Variants in ARHGAP32 observed in about 807,000 individuals in gnomAD.
ARHGAP32 encodes the protein Rho GTPase activating protein 32, also known as rho GTPase-activating protein 32.
Under a neutral mutation model 186.5 loss-of-function variants are expected in ARHGAP32, and 51 were observed. That is an observed-to-expected ratio of 0.27 (90% CI 0.22 to 0.35). The LOEUF is 0.35. Ranked by LOEUF, ARHGAP32 falls within the 10% of genes least tolerant of loss-of-function variation. The pLI is 1.00. For missense variants in ARHGAP32, 2,186 were observed against 2,623.5 expected (o/e 0.83, Z 3.64); for synonymous variants, 950 against 964.3 (o/e 0.99, Z 0.27).
chr11:128,982,463 C>T (rs1945730256), intron 15 of ARHGAP32, among the ~76,000 whole-genome samples: 1 of 141,990 alleles, frequency 7.0e-6, no homozygotes, highest in Non-Finnish European at 1.6e-5. Context: ...TAAGTTAAAC[C>T]AGGTAAGTGC....
In ARHGAP32 at chr11:129,123,037, G is replaced by GT. The variant is rs1475207355; in HGVS notation, c.444+408dup. 6.6e-6 allele frequency among the ~76,000 whole-genome samples: 1 copy of GT among 152,048 alleles called. No homozygotes were observed. The highest frequency in any genetic ancestry group is 2.4e-5 in the African/African-American group (1 of 41,410). Reference sequence around the variant, plus strand: ...TAATTTGTATGTGAATGAAAAGGCAGTAACAGTAAAAACATTTCTGAAAAA... The same window carrying GT: ...TAATTTGTATGTGAATGAAAAGGCAGTTAACAGTAAAAACATTTCTGAAAAA... On this transcript the variant is annotated intron_variant, in intron 5 of 22. Transcript: ENST00000682385. The surrounding 1 kb of genome is among the most constrained non-coding windows in gnomAD (Gnocchi z 4.6).
intron 2 of ARHGAP32, among the ~76,000 whole-genome samples, chr11:129,129,652 A>T (rs570632881): frequency 6.6e-6 from 1 of 152,340 alleles, no homozygotes; most frequent in Admixed American, 6.5e-5. Flanking sequence ...GTGTAGAAAG[A>T]AGTAGACATG....
In ARHGAP32 at chr11:128,966,663, T is replaced by A. The variant is rs1433406180; in HGVS notation, c.*2244A>T. The A allele has an allele frequency of 1.3e-5, 2 of 152,242 alleles. No homozygotes were observed. Among genetic ancestry groups the A allele is most frequent in the African/African-American group, 4.8e-5 (2 of 41,468 alleles). 9.4% of individuals were successfully genotyped at this position (152,242 alleles called of 1,614,324 possible). A position where few individuals can be genotyped will look rare whatever the true frequency, so the allele number is the denominator to read the frequency against. ...GTTTTAGTTTCAGGACTAAACAATGTGTGTGACAACAAATCCACAAATATT... is the reference window on the plus strand; with the variant it reads ...GTTTTAGTTTCAGGACTAAACAATGAGTGTGACAACAAATCCACAAATATT... On this transcript the variant is annotated 3_prime_UTR_variant, in exon 23 of 23. Transcript: ENST00000682385.
At chr11:129,194,116 A>C (rs1944359097), upstream of ARHGAP32, among the ~76,000 whole-genome samples, 2 of 152,144 alleles carry the variant, frequency 1.3e-5, no homozygotes, top group Admixed American at 1.3e-4. Flanking sequence ...AAACTGAAAG[A>C]GGACATGGGA....
At chr11:129,125,829 T>G (rs181870077) in intron 2 of ARHGAP32, 1 of 406,088 alleles carries the variant, frequency 2.5e-6, no homozygotes, top group Non-Finnish European at 4.8e-6. Flanking sequence ...TAACTATTTA[T>G]AAGGGTTGGT....
chr11:129,041,103 C>T lies in ARHGAP32; in HGVS notation c.964-94G>A, dbSNP rs550848115. 7.2e-4 allele frequency: 534 copies of T among 744,454 alleles called. 8 individuals carry two copies. In the South Asian group the frequency reaches 7.9e-3, roughly 11 times the overall value. 46.1% of individuals were successfully genotyped at this position (744,454 alleles called of 1,614,324 possible). Reference sequence around the variant, plus strand: ...GAATTCCAGTAATGTATTCTACAGTCCCTCCCAAATGATTCTATTATTCCA... The same window carrying T: ...GAATTCCAGTAATGTATTCTACAGTTCCTCCCAAATGATTCTATTATTCCA... On this transcript the variant is annotated intron_variant, in intron 10 of 22. Coordinates refer to ENST00000682385, the MANE Select transcript of ARHGAP32 (RefSeq NM_001378024.1).
chr11:129,071,692 C>T (rs1415885486), intron 6 of ARHGAP32, among the ~76,000 whole-genome samples: 1 of 152,078 alleles, frequency 6.6e-6, no homozygotes, highest in Admixed American at 6.6e-5. Context: ...TACCATATGA[C>T]TCAATAATCC....
chr11:129,138,958 A>G (rs1942992384), intron 2 of ARHGAP32, among the ~76,000 whole-genome samples: 1 of 152,220 alleles, frequency 6.6e-6, no homozygotes. Flanking sequence ...TTTTTATCAC[A>G]AAACCTACCA....
At chr11:129,244,475 C>T (rs1458724697) in intron 1 of ARHGAP32, among the ~76,000 whole-genome samples, 3 of 152,108 alleles carry the variant, frequency 2.0e-5, no homozygotes, top group Non-Finnish European at 4.4e-5. Context: ...TTTTATAAAG[C>T]TATCAATAAT....
intron 1 of ARHGAP32, among the ~76,000 whole-genome samples, chr11:129,223,486 C>A (rs996049582): frequency 5.9e-5 from 9 of 152,090 alleles, no homozygotes; most frequent in Non-Finnish European, 1.2e-4. Context: ...TGGCAGAAGG[C>A]TGGGTGATGG....
At position 128,969,062 on chromosome 11, in the gene ARHGAP32, G is replaced by A. The variant is rs1196647735; in HGVS notation, c.6151C>T (p.Arg2051Ter). Residue 2051 changes from arginine to a stop codon, truncating the protein, a stop_gained, in exon 23 of 23, where the codon CGA becomes TGA. Coordinates refer to ENST00000682385, the MANE Select transcript of ARHGAP32 (RefSeq NM_001378024.1). LOFTEE classifies it high-confidence loss of function. The surrounding 1 kb of genome is among the most constrained non-coding windows in gnomAD (Gnocchi z 4.8). The part of the protein sequence containing the change: ...EDYHSLPQHQ[R>*]GVFGGGGMGT... ...ATGCCGCCCCCTCCAAAGACTCCTC[G>A]CTGGTGCTGAGGCAGGGAGTGGTAA... 3 of 1,611,990 alleles carry A rather than the reference G, an allele frequency of 1.9e-6. No individual in the cohort carries two copies. The highest frequency in any genetic ancestry group is 1.3e-5 in the African/African-American group (1 of 75,030).
chr11:129,001,219 T>C (rs1002212979), intron 11 of ARHGAP32, among the ~76,000 whole-genome samples: 1 of 152,346 alleles, frequency 6.6e-6, no homozygotes, highest in East Asian at 1.9e-4. Context: ...TTCTCTATAG[T>C]GGCTGTACTA....
chr11:129,208,175 G>A (rs1334469296), intron 1 of ARHGAP32, among the ~76,000 whole-genome samples: 1 of 152,128 alleles, frequency 6.6e-6, no homozygotes, highest in Non-Finnish European at 1.5e-5. Context: ...TATTTGGTCA[G>A]GAAAGAGGAA....
Position 128,966,866 on chromosome 11 carries a change from G to A in ARHGAP32, c.*2041C>T, listed in dbSNP as rs572134886. ...GCCTACTTGACAAGAATATGATTAAGGTAAAAAAAATTAGTGCCACATATT... is the reference window on the plus strand; with the variant it reads ...GCCTACTTGACAAGAATATGATTAAAGTAAAAAAAATTAGTGCCACATATT... On this transcript the variant is annotated 3_prime_UTR_variant, in exon 23 of 23. Coordinates refer to ENST00000682385, the MANE Select transcript of ARHGAP32 (RefSeq NM_001378024.1). 2 of 152,160 alleles carry A rather than the reference G, an allele frequency of 1.3e-5. No individual in the cohort carries two copies. Among genetic ancestry groups the A allele is most frequent in the African/African-American group, 4.8e-5 (2 of 41,498 alleles). 9.4% of individuals were successfully genotyped at this position (152,160 alleles called of 1,614,324 possible). A position where few individuals can be genotyped will look rare whatever the true frequency, so the allele number is the denominator to read the frequency against.
chr11:129,123,799 T>C lies in ARHGAP32; in HGVS notation c.359+89A>G. 2 of 1,096,934 alleles carry C rather than the reference T, an allele frequency of 1.8e-6. No homozygotes were observed. Among genetic ancestry groups the C allele is most frequent in the South Asian group, 1.4e-5 (1 of 69,446 alleles). The allele number at this position is 1,096,934 out of a possible 1,614,324, so 68.0% of individuals were successfully genotyped here. A position where few individuals can be genotyped will look rare whatever the true frequency, so the allele number is the denominator to read the frequency against. ...CCCGAATCAATGTCCATAGAAAAACTGCTATTTTCGGCAAATGTTATGGAA... is the reference window on the plus strand; with the variant it reads ...CCCGAATCAATGTCCATAGAAAAACCGCTATTTTCGGCAAATGTTATGGAA... On this transcript the variant is annotated intron_variant, in intron 4 of 22. Transcript: ENST00000682385. This position sits in a 1 kb window ranked among gnomAD's most constrained non-coding sequence, Gnocchi z 4.6.
chr11:129,069,679 G>T (rs1316565562), intron 6 of ARHGAP32, among the ~76,000 whole-genome samples: 1 of 151,986 alleles, frequency 6.6e-6, no homozygotes, highest in Non-Finnish European at 1.5e-5. Flanking sequence ...AATTCAGCAT[G>T]CCCTGGTGAT....
chr11:129,239,502 T>C (rs1291289344), intron 1 of ARHGAP32, among the ~76,000 whole-genome samples: 2 of 152,154 alleles, frequency 1.3e-5, no homozygotes, highest in Non-Finnish European at 2.9e-5. Context: ...AAACTAGCAT[T>C]ACACTAACCA....
chr11:129,057,311 C>T (rs1486528811), intron 10 of ARHGAP32, among the ~76,000 whole-genome samples: 1 of 152,084 alleles, frequency 6.6e-6, no homozygotes, highest in Non-Finnish European at 1.5e-5. Context: ...TCTGCTAGTC[C>T]TCCATGTCCT....
At chr11:129,171,435 TC>T (rs1943758117) in intron 1 of ARHGAP32, among the ~76,000 whole-genome samples, 1 of 152,138 alleles carries the variant, frequency 6.6e-6, no homozygotes, top group African/African-American at 2.4e-5. Context: ...GAGATCTCTT[TC>T]CCATTGTTTG....
Sources: allele counts gnomAD v4.1 joint callset (sites outside exome capture counted in the v4.1 genomes callset), GRCh38; gene constraint gnomAD v4.1.1; non-coding constraint Gnocchi (gnomAD v3.1); transcripts MANE v1.5; gene names NCBI Gene and HGNC (gene_info 2026-07-23, HGNC 2026-07-21).